Variants in SLC39A11 observed in about 807,000 individuals in gnomAD.
The protein encoded by SLC39A11 is zinc transporter ZIP11.
SLC39A11 carries 33 observed loss-of-function variants against 36.1 expected under a neutral mutation model. The ratio of observed to expected loss-of-function variants is 0.91; its 90% CI spans 0.69 to 1.22. SLC39A11 has a LOEUF of 1.22. Among genes scored for constraint, SLC39A11 ranks in the 50% most tolerant of loss-of-function variants. SLC39A11 has a pLI of 0.00. For missense variants in SLC39A11, 432 were observed against 430.3 expected, an observed-to-expected ratio of 1.00 and a Z score of -0.03; for synonymous variants, 166 against 170.3, an observed-to-expected ratio of 0.97 and a Z score of 0.20.
intron 5 of SLC39A11, among the ~76,000 whole-genome samples, chr17:72,873,154 C>T (rs2080732383): frequency 6.6e-6 from 1 of 151,500 alleles, no homozygotes; most frequent in Non-Finnish European, 1.5e-5. Context: ...CTATTCTTAA[C>T]ATCGCTATTA....
At position 72,892,453 on chromosome 17, in the gene SLC39A11, C is replaced by T. The variant is rs114886502; in HGVS notation, c.431-42649G>A. 6.4e-3 allele frequency among the ~76,000 whole-genome samples: 955 copies of T among 150,096 alleles called. 6 individuals carry two copies. Among genetic ancestry groups the T allele is most frequent in the African/African-American group, 0.022 (898 of 40,998 alleles). On this transcript the variant is annotated intron_variant, in intron 5 of 9. Coordinates refer to ENST00000255559, the MANE Select transcript of SLC39A11 (RefSeq NM_139177.4). ...TCTTATTAGAGCCCAGAATAGATGT[C>T]AAAGAGAAACACAGAATCTCCTCTT...
chr17:72,659,572 CTCTTTTTTTTTTTT>C (rs1293678688), intron 7 of SLC39A11, among the ~76,000 whole-genome samples: 1 of 100,172 alleles, frequency 1.0e-5, no homozygotes, highest in African/African-American at 3.7e-5. Flanking sequence ...TCCTCTGTGA[CTCTTTTTTTTTTTT>C]TTTTTTTTTT....
intron 4 of SLC39A11, among the ~76,000 whole-genome samples, chr17:72,983,495 T>C (rs2088487367): frequency 1.3e-5 from 2 of 152,220 alleles, no homozygotes. Flanking sequence ...GCAACATATA[T>C]GGATGTGCTA....
chr17:72,872,781 G>A (rs1158123648), intron 5 of SLC39A11, among the ~76,000 whole-genome samples: 2 of 152,132 alleles, frequency 1.3e-5, no homozygotes, highest in Non-Finnish European at 1.5e-5. Context: ...TCAGGGGCGG[G>A]TGCAGTGGCT....
chr17:72,853,442 T>C (rs1380980972), intron 5 of SLC39A11, among the ~76,000 whole-genome samples: 1 of 152,094 alleles, frequency 6.6e-6, no homozygotes, highest in Non-Finnish European at 1.5e-5. Flanking sequence ...CGCTTGTTTT[T>C]GCCAATGTCA....
chr17:72,653,685 T>C (rs1322306427), intron 7 of SLC39A11, among the ~76,000 whole-genome samples: 1 of 152,122 alleles, frequency 6.6e-6, no homozygotes, highest in African/African-American at 2.4e-5. Flanking sequence ...GGTAATCTGC[T>C]CGACTCGGCC....
chr17:72,690,117 G>A lies in SLC39A11; in HGVS notation c.672-40849C>T, dbSNP rs1471745027. The stretch of plus-strand genomic sequence containing the variant: ...ATCCAGGAGTGACGCGCTGGGGCAA[G>A]CGAGGCCCATCTGTACCCAGGCTGG... On this transcript the variant is annotated intron_variant, in intron 7 of 9. Transcript: ENST00000255559. 2.6e-5 allele frequency among the ~76,000 whole-genome samples: 4 copies of A among 152,320 alleles called. No individual in the cohort carries two copies. The South Asian group carries it at 8.3e-4, about 32-fold the overall frequency.
chr17:72,990,346 A>G lies in SLC39A11; in HGVS notation c.306+41210T>C, dbSNP rs531238691. Among the ~76,000 whole-genome samples, 27 of 152,236 alleles carry G rather than the reference A, an allele frequency of 1.8e-4. No homozygotes were observed. The East Asian group carries it at 5.0e-3, about 28-fold the overall frequency. ...ATACAAAATGACCAAGAAGGAAAAA[A>G]CCCCCAGGAAGGGTTCAAGTATAAT... On this transcript the variant is annotated intron_variant, in intron 4 of 9. Coordinates refer to ENST00000255559, the MANE Select transcript of SLC39A11 (RefSeq NM_139177.4).
intron 4 of SLC39A11, among the ~76,000 whole-genome samples, chr17:72,994,336 A>G (rs184410991): frequency 8.7e-4 from 132 of 152,324 alleles, no homozygotes; most frequent in Middle Eastern, 3.4e-3. Context: ...ATATATATAG[A>G]ATGTTTTCAT....
chr17:72,878,562 C>T (rs2081036447), intron 5 of SLC39A11, among the ~76,000 whole-genome samples: 1 of 152,134 alleles, frequency 6.6e-6, no homozygotes, highest in Non-Finnish European at 1.5e-5. Flanking sequence ...ACTCACATGC[C>T]ATCTTCTCAG....
chr17:73,064,835 T>C (rs1489521889), intron 3 of SLC39A11, among the ~76,000 whole-genome samples: 1 of 152,096 alleles, frequency 6.6e-6, no homozygotes, highest in African/African-American at 2.4e-5. Flanking sequence ...CAGCCCATAA[T>C]GTCAGCTCCT....
intron 7 of SLC39A11, among the ~76,000 whole-genome samples, chr17:72,694,405 C>T (rs1169939222): frequency 1.3e-5 from 2 of 152,222 alleles, no homozygotes; most frequent in Non-Finnish European, 2.9e-5. Context: ...TCGTGGCTTC[C>T]TTCTCTGGCT....
intron 6 of SLC39A11, among the ~76,000 whole-genome samples, chr17:72,737,956 G>A (rs1213806886): frequency 6.6e-6 from 1 of 152,106 alleles, no homozygotes; most frequent in Admixed American, 6.6e-5. Context: ...CAGTAGCAAA[G>A]GAGGAGGGGT....
chr17:72,751,548 G>A (rs927324144), intron 6 of SLC39A11, among the ~76,000 whole-genome samples: 1 of 151,872 alleles, frequency 6.6e-6, no homozygotes, highest in South Asian at 2.1e-4. Context: ...AATCACTTTT[G>A]TACAGCCATC....
rs141797036 is a variant in SLC39A11 at position 72,739,424 on chromosome 17, G to A, written c.602-2705C>T. Among the ~76,000 whole-genome samples, 548 of 152,354 alleles carry A rather than the reference G, an allele frequency of 3.6e-3. 5 individuals are homozygous for A. The highest frequency in any genetic ancestry group is 0.012 in the African/African-American group (518 of 41,578). Reference sequence around the variant, plus strand: ...TTACAGGCATGAGCCACTGCACGCAGTGAGAATTTGGGATTCTGATTCCCT... The same window carrying A: ...TTACAGGCATGAGCCACTGCACGCAATGAGAATTTGGGATTCTGATTCCCT... On this transcript the variant is annotated intron_variant, in intron 6 of 9. Transcript: ENST00000255559.
intron 7 of SLC39A11, among the ~76,000 whole-genome samples, chr17:72,704,123 T>C (rs2072779525): frequency 6.6e-6 from 1 of 152,006 alleles, no homozygotes; most frequent in Non-Finnish European, 1.5e-5. Context: ...GTGAGACTCT[T>C]TCCAAAACAA....
At chr17:72,844,187 G>C (rs192380303) in intron 6 of SLC39A11, among the ~76,000 whole-genome samples, 59 of 152,270 alleles carry the variant, frequency 3.9e-4, no homozygotes, top group Admixed American at 1.6e-3. Flanking sequence ...CTCCAAACAG[G>C]CTCTTAAAAT....
chr17:72,729,427 A>G (rs1326502722), intron 7 of SLC39A11, among the ~76,000 whole-genome samples: 2 of 2,416 alleles, frequency 8.3e-4, no homozygotes, highest in African/African-American at 2.0e-3. Context: ...ATATATATAT[A>G]TATATATATA....
intron 3 of SLC39A11, among the ~76,000 whole-genome samples, chr17:73,066,599 C>A (rs2060003020): frequency 6.6e-6 from 1 of 152,158 alleles, no homozygotes; most frequent in South Asian, 2.1e-4. Flanking sequence ...CCAGGCTTGG[C>A]CATTAATACA....
Sources: gnomAD v4.1 joint callset for allele counts (sites outside exome capture counted in the v4.1 genomes callset) on GRCh38, gnomAD v4.1.1 for gene constraint, MANE v1.5 for transcripts, NCBI Gene and HGNC (gene_info 2026-07-23, HGNC 2026-07-21) for gene names.